The following UBE3B variants were observed in gnomAD, a reference collection of about 807,000 sequenced individuals.
UBE3B encodes ubiquitin protein ligase E3B.
A neutral mutation model predicts 132.3 loss-of-function variants in UBE3B; 80 were observed. The ratio of observed to expected loss-of-function variants is 0.60; its 90% CI spans 0.50 to 0.73. The LOEUF is 0.73. Ranked by LOEUF, UBE3B falls within the 30% of genes least tolerant of loss-of-function variation. The pLI, the probability that UBE3B is intolerant of heterozygous loss-of-function variation, is 0.00. For synonymous variants in UBE3B, 487 were observed against 520.4 expected (o/e 0.94, Z 0.87); for missense variants, 1,196 against 1,362.5 (o/e 0.88, Z 1.92).
In UBE3B at chr12:109,521,103, T is replaced by C. The variant is rs770652239; in HGVS notation, c.2077-45T>C. ...GAGAGGGAACCCCGAATTGTGTGCA[T>C]AAGGCTTTGGGCTTCCTAATGGGCT... On this transcript the variant is annotated intron_variant, in intron 19 of 27. Coordinates refer to ENST00000342494, the MANE Select transcript of UBE3B (RefSeq NM_130466.4). This position sits in a 1 kb window ranked among gnomAD's most constrained non-coding sequence, Gnocchi z 4.2. 12 of 1,605,284 alleles carry C rather than the reference T, an allele frequency of 7.5e-6. No homozygotes were observed. In the African/African-American group the frequency reaches 1.5e-4, roughly 20 times the overall value.
rs1314823590 is a variant in UBE3B at position 109,484,012 on chromosome 12, C to T, written c.282+31C>T. ...ACGATAATAGCAAACATGTATAATA[C>T]TTCCATATGTCAGATCTTTTATAAT... is the stretch of plus-strand genomic sequence containing the variant. On this transcript the variant is annotated intron_variant, in intron 4 of 27. Transcript: ENST00000342494. 3.8e-6 allele frequency: 6 copies of T among 1,582,240 alleles called. No individual in the cohort carries two copies. The African/African-American group carries it at 8.1e-5, about 21-fold the overall frequency.
intron 13 of UBE3B, among the ~76,000 whole-genome samples, chr12:109,502,175 A>G (rs1361848273): frequency 6.6e-6 from 1 of 152,242 alleles, no homozygotes; most frequent in Non-Finnish European, 1.5e-5. Flanking sequence ...GTGAACCAAC[A>G]TGAAATGTTT....
chr12:109,491,103 C>T lies in UBE3B; in HGVS notation c.689C>T (p.Thr230Ile). The change falls in exon 9 of 28, where the codon ACA becomes ATA. Residue 230 changes from threonine to isoleucine, a missense_variant. Coordinates refer to ENST00000342494, the MANE Select transcript of UBE3B (RefSeq NM_130466.4). ...PRPCLSKGTLTAAFSLALRPV... is the reference protein window; with the variant it reads ...PRPCLSKGTLIAAFSLALRPV... ...CCTTGTCTATCCAAAGGCACTTTAA[C>T]AGCAGCTTTTTCTCTAGCGTTACGG... The T allele has an allele frequency of 6.2e-7, 1 of 1,614,092 alleles. No individual in the cohort carries two copies. The highest frequency in any genetic ancestry group is 8.5e-7 in the Non-Finnish European group (1 of 1,179,938).
chr12:109,500,134 CTG>C (rs1823881541), intron 12 of UBE3B, among the ~76,000 whole-genome samples: 1 of 152,124 alleles, frequency 6.6e-6, no homozygotes, highest in Admixed American at 6.5e-5. Flanking sequence ...TTCTTCTTCA[CTG>C]TCACTTTTTG....
chr12:109,534,816 GCTGCCAGGGACCTT>G lies in UBE3B; in HGVS notation c.*36_*49del. On this transcript the variant is annotated 3_prime_UTR_variant, in exon 28 of 28. Transcript: ENST00000342494. The surrounding 1 kb of genome is among the most constrained non-coding windows in gnomAD (Gnocchi z 5.2). ...CCAGCCCTGCCTCCAGGGCTCCTGGGCTGCCAGGGACCTTCAGCTCCCAGAGGCAGTGTGGTCCT... is the reference window on the plus strand; with the variant it reads ...CCAGCCCTGCCTCCAGGGCTCCTGGGCAGCTCCCAGAGGCAGTGTGGTCCT... The G allele has an allele frequency of 1.4e-6, 2 of 1,476,096 alleles. No homozygotes were observed. Among genetic ancestry groups the G allele is most frequent in the Non-Finnish European group, 1.8e-6 (2 of 1,109,122 alleles). 91.4% of individuals were successfully genotyped at this position (1,476,096 alleles called of 1,614,324 possible). A position where few individuals can be genotyped will look rare whatever the true frequency, so the allele number is the denominator to read the frequency against.
Position 109,526,379 on chromosome 12 carries a change from C to G in UBE3B, c.2590C>G (p.Pro864Ala). The change falls in exon 24 of 28, where the codon CCT becomes GCT. Residue 864 changes from proline (P) to alanine (A), a missense_variant. Transcript: ENST00000342494. ...CCAGCTTGTTTGCCATGAACTGATT[C>G]CTGGAGGGAAGACCATTCCTGTTAC... ...MGQLVCHELIPGGKTIPVTNE... is the reference protein window; with the variant it reads ...MGQLVCHELIAGGKTIPVTNE... The G allele has an allele frequency of 3.1e-6, 5 of 1,614,144 alleles. No individual in the cohort carries two copies. The highest frequency in any genetic ancestry group is 3.4e-6 in the Non-Finnish European group (4 of 1,180,040).
intron 19 of UBE3B, chr12:109,519,797 C>G (rs1299716265): frequency 1.3e-5 from 2 of 152,186 alleles, no homozygotes; most frequent in Non-Finnish European, 2.9e-5. Context: ...GGTTTGCCTC[C>G]ACAAAACTGT....
chr12:109,503,094 G>C lies in UBE3B; in HGVS notation c.1354G>C (p.Val452Leu). The C allele has an allele frequency of 6.2e-7, 1 of 1,614,186 alleles. No individual in the cohort carries two copies. Among genetic ancestry groups the C allele is most frequent in the Non-Finnish European group, 8.5e-7 (1 of 1,180,040 alleles). Residue 452 changes from valine (V) to leucine (L), a missense_variant, in exon 14 of 28, where the codon GTC (valine) becomes CTC (leucine). Coordinates refer to ENST00000342494, the MANE Select transcript of UBE3B (RefSeq NM_130466.4). Reference protein sequence around the residue: ...NILRPVGGKRVDSAEVQKVCN... With the variant: ...NILRPVGGKRLDSAEVQKVCN... ...TCTCAGGCCTGTCGGGGGTAAACGG[G>C]TCGACTCTGCAGAAGTCCAGAAGGT...
At chr12:109,489,447 A>G (rs1485182576) in intron 7 of UBE3B, among the ~76,000 whole-genome samples, 1 of 152,184 alleles carries the variant, frequency 6.6e-6, no homozygotes, top group Non-Finnish European at 1.5e-5. Context: ...TGAAACGGAA[A>G]GCAGGGAAAG....
intron 24 of UBE3B, among the ~76,000 whole-genome samples, chr12:109,526,881 A>AT (rs1225512731): frequency 2.7e-5 from 4 of 145,766 alleles, no homozygotes; most frequent in East Asian, 1.9e-4. Context: ...AAAAAAAAAA[A>AT]AAAATTGATT....
chr12:109,485,825 T>C lies in UBE3B; in HGVS notation c.283-187T>C, dbSNP rs181740409. ...GTTCCTCCAGCTCTTGGGCCACCAG[T>C]TGGAGAACCCTTTAGTCTTTATGAT... On this transcript the variant is annotated intron_variant, in intron 4 of 27. Coordinates refer to ENST00000342494, the MANE Select transcript of UBE3B (RefSeq NM_130466.4). Among the ~76,000 whole-genome samples the C allele has an allele frequency of 4.6e-5, 7 of 152,338 alleles. No individual in the cohort carries two copies. The East Asian group carries it at 1.4e-3, about 29-fold the overall frequency.
intron 6 of UBE3B, 26 bp downstream of exon 6, chr12:109,486,601 AAAGC>A: frequency 2.2e-6 from 3 of 1,368,896 alleles, no homozygotes; most frequent in East Asian, 2.3e-5. Context: ...AAAAAAAAAA[AAAGC>A]AAAACCAGAA....
rs568088224 is a variant in UBE3B, at chr12:109,511,054, A to G, written c.1857-150A>G. 7.4e-5 allele frequency: 49 copies of G among 660,216 alleles called. No homozygotes were observed. The African/African-American group carries it at 7.8e-4, about 10-fold the overall frequency. 40.9% of individuals were successfully genotyped at this position (660,216 alleles called of 1,614,324 possible). On this transcript the variant is annotated intron_variant, in intron 17 of 27. Transcript: ENST00000342494. ...GCACAAAAGCTGCCATAGGCTATAC[A>G]TGTATGAATGAGTATGGTCATGTTC...
rs766239729 is a variant in UBE3B at position 109,534,417 on chromosome 12, AGTC to A, written c.3016-170_3016-168del. On this transcript the variant is annotated intron_variant, in intron 27 of 27. Coordinates refer to ENST00000342494, the MANE Select transcript of UBE3B (RefSeq NM_130466.4). The surrounding 1 kb of genome is among the most constrained non-coding windows in gnomAD (Gnocchi z 5.2). Reference sequence around the variant, plus strand: ...AGAAGGGGTTCCTTCTCTGGAAGCCAGTCGTCTTGTGTCTGGGGCTTGACCTCG... The same window carrying A: ...AGAAGGGGTTCCTTCTCTGGAAGCCAGTCTTGTGTCTGGGGCTTGACCTCG... 318 of 1,418,172 alleles carry A rather than the reference AGTC, an allele frequency of 2.2e-4. No homozygotes were observed. Among genetic ancestry groups the A allele is most frequent in the Non-Finnish European group, 2.8e-4 (303 of 1,090,520 alleles). The allele number at this position is 1,418,172 out of a possible 1,614,324, so 87.8% of individuals were successfully genotyped here.
chr12:109,511,720 G>A (rs557894439), intron 18 of UBE3B, among the ~76,000 whole-genome samples: 4 of 152,312 alleles, frequency 2.6e-5, no homozygotes, highest in South Asian at 2.1e-4. Context: ...ACTAGAGCAA[G>A]ACAGCCTTAG....
chr12:109,483,550 A>G lies in UBE3B; in HGVS notation c.-2A>G, dbSNP rs913478208. 1.3e-6 allele frequency: 2 copies of G among 1,558,034 alleles called. No individual in the cohort carries two copies. The highest frequency in any genetic ancestry group is 2.8e-5 in the African/African-American group (2 of 72,570). ...TTGCAGGGTTTGTGCAAGTTTGCAAACATGTTCACCCTGTCTCAGACCTCG... is the reference window on the plus strand; with the variant it reads ...TTGCAGGGTTTGTGCAAGTTTGCAAGCATGTTCACCCTGTCTCAGACCTCG... On this transcript the variant is annotated 5_prime_UTR_variant, in exon 3 of 28. Transcript: ENST00000342494.
intron 19 of UBE3B, among the ~76,000 whole-genome samples, chr12:109,518,631 T>C (rs1191711667): frequency 6.6e-6 from 1 of 152,168 alleles, no homozygotes; most frequent in East Asian, 1.9e-4. Flanking sequence ...CACCCACCCA[T>C]GGGAAGAGTC....
At chr12:109,530,190 C>T in intron 25 of UBE3B, 118 bp downstream of exon 25, 2 of 1,195,692 alleles carry the variant, frequency 1.7e-6, no homozygotes, top group Non-Finnish European at 2.3e-6. Context: ...TCTCCTTCTC[C>T]TCCCTGGACT....
chr12:109,499,688 T>A lies in UBE3B; in HGVS notation c.996T>A (p.Asp332Glu), dbSNP rs776529477. 1 of 1,613,180 alleles carries A rather than the reference T, an allele frequency of 6.2e-7. No individual in the cohort carries two copies. Among genetic ancestry groups the A allele is most frequent in the South Asian group, 1.1e-5 (1 of 91,008 alleles). Residue 332 changes from aspartate to glutamate, a missense_variant, in exon 12 of 28, where the codon GAT (aspartate) becomes GAA (glutamate). Coordinates refer to ENST00000342494, the MANE Select transcript of UBE3B (RefSeq NM_130466.4). ...LSPRVLEEET[D>E]GFVSLLTQTL... ...CCAGAGTGTTAGAGGAGGAGACAGA[T>A]GGGTTCGTGAGTTTGCTCACCCAGA...
Sources: gnomAD v4.1 joint callset for allele counts (sites outside exome capture counted in the v4.1 genomes callset) on GRCh38, gnomAD v4.1.1 for gene constraint, Gnocchi (gnomAD v3.1) non-coding constraint, MANE v1.5 for transcripts, NCBI Gene and HGNC (gene_info 2026-07-23, HGNC 2026-07-21) for gene names.